FCHSD2: variants seen among roughly 807,000 people sequenced by gnomAD.
FCHSD2 encodes the protein F-BAR and double SH3 domains protein 2.
A neutral mutation model predicts 108.1 loss-of-function variants in FCHSD2; 38 were observed. The observed-to-expected ratio is 0.35, with a 90% CI of 0.27 to 0.46. The LOEUF (loss-of-function observed/expected upper bound fraction) is 0.46. Ranked by LOEUF, FCHSD2 falls within the 20% of genes least tolerant of loss-of-function variation. The probability of loss-of-function intolerance (pLI) is 1.00; values close to 1 mark genes in which losing one functional copy is unlikely to be tolerated. For missense variants in FCHSD2, 751 were observed against 897.8 expected (o/e 0.84, Z 2.09); for synonymous variants, 279 against 314.7 (o/e 0.89, Z 1.20).
chr11:72,838,673 C>T lies in FCHSD2; in HGVS notation c.*118G>A, dbSNP rs1170851554. 5 of 796,252 alleles carry T rather than the reference C, an allele frequency of 6.3e-6. No individual in the cohort carries two copies. The highest frequency in any genetic ancestry group is 1.6e-5 in the South Asian group (1 of 64,022). The allele number at this position is 796,252 out of a possible 1,614,324, so 49.3% of individuals were successfully genotyped here. A position where few individuals can be genotyped will look rare whatever the true frequency, so the allele number is the denominator to read the frequency against. ...CCAGGCCACCCAGTCACACATAATCCTCCTTGTTTTTTGCTCTGTTCAAGA... is the reference window on the plus strand; with the variant it reads ...CCAGGCCACCCAGTCACACATAATCTTCCTTGTTTTTTGCTCTGTTCAAGA... On this transcript the variant is annotated 3_prime_UTR_variant, in exon 20 of 20. Coordinates refer to ENST00000409418, the MANE Select transcript of FCHSD2 (RefSeq NM_014824.3).
At chr11:72,847,971 C>T (rs925693637) in intron 14 of FCHSD2, among the ~76,000 whole-genome samples, 1 of 152,186 alleles carries the variant, frequency 6.6e-6, no homozygotes, top group East Asian at 1.9e-4. Context: ...GGATTACAGG[C>T]GTGAGCCACC....
At chr11:72,903,013 G>C (rs987452566) in intron 9 of FCHSD2, among the ~76,000 whole-genome samples, 17 of 152,076 alleles carry the variant, frequency 1.1e-4, no homozygotes, top group African/African-American at 4.1e-4. Flanking sequence ...CTCTAAAATT[G>C]TATGGGCCTC....
chr11:72,965,791 T>C (rs1357035807), intron 8 of FCHSD2, among the ~76,000 whole-genome samples: 4 of 152,238 alleles, frequency 2.6e-5, no homozygotes, highest in Non-Finnish European at 4.4e-5. Flanking sequence ...AGTATATAAA[T>C]AGAATCACAC....
chr11:72,988,445 T>A (rs1467011998), intron 6 of FCHSD2, among the ~76,000 whole-genome samples: 1 of 152,214 alleles, frequency 6.6e-6, no homozygotes, highest in Non-Finnish European at 1.5e-5. Flanking sequence ...AAAGCATACA[T>A]GAAAAATTAT....
chr11:73,063,265 C>A (rs2135490116), intron 3 of FCHSD2, among the ~76,000 whole-genome samples: 1 of 152,306 alleles, frequency 6.6e-6, no homozygotes, highest in South Asian at 2.1e-4. Context: ...ACCAGGCCTG[C>A]CTTTGAAGGG....
chr11:72,942,289 G>T (rs546818710), intron 8 of FCHSD2, among the ~76,000 whole-genome samples: 1 of 152,182 alleles, frequency 6.6e-6, no homozygotes, highest in Non-Finnish European at 1.5e-5. Context: ...TGCCATGATT[G>T]TAAGTTTCCT....
intron 2 of FCHSD2, among the ~76,000 whole-genome samples, chr11:73,097,840 CTCTG>C (rs1392451478): frequency 6.6e-5 from 10 of 151,932 alleles, no homozygotes; most frequent in Non-Finnish European, 1.0e-4. Context: ...TACATATTTA[CTCTG>C]TCTATCTATT....
chr11:72,924,858 G>A (rs1313256606), intron 8 of FCHSD2, among the ~76,000 whole-genome samples: 1 of 151,924 alleles, frequency 6.6e-6, no homozygotes. Context: ...GACACTGCTG[G>A]TGTTAAGTCT....
Position 73,090,715 on chromosome 11 carries a change from T to C in FCHSD2, c.120-6975A>G, listed in dbSNP as rs1481720898. 3.3e-5 allele frequency among the ~76,000 whole-genome samples: 5 copies of C among 152,230 alleles called. No individual in the cohort carries two copies. The East Asian group carries it at 9.6e-4, about 29-fold the overall frequency. ...AAAGACCTTTTACTACATTCCTGTT[T>C]GTACTATTTGAATGTAAACTATGTG... On this transcript the variant is annotated intron_variant, in intron 2 of 19. Coordinates refer to ENST00000409418, the MANE Select transcript of FCHSD2 (RefSeq NM_014824.3).
At chr11:72,896,330 T>C (rs1855416996) in intron 10 of FCHSD2, among the ~76,000 whole-genome samples, 3 of 152,230 alleles carry the variant, frequency 2.0e-5, no homozygotes, top group Admixed American at 6.5e-5. Context: ...TTTTCCTGCC[T>C]GTATAGATCA....
intron 3 of FCHSD2, among the ~76,000 whole-genome samples, chr11:73,017,320 A>G (rs367801051): frequency 6.6e-6 from 1 of 152,180 alleles, no homozygotes; most frequent in East Asian, 1.9e-4. Flanking sequence ...GTCCCCTAAC[A>G]CTATAACAGG....
At chr11:72,974,392 G>C in intron 8 of FCHSD2, among the ~76,000 whole-genome samples, 1 of 152,176 alleles carries the variant, frequency 6.6e-6, no homozygotes, top group East Asian at 1.9e-4. Context: ...CTGCCCTCAT[G>C]ACCTAATGAC....
At chr11:73,077,018 G>C (rs888350752) in intron 3 of FCHSD2, among the ~76,000 whole-genome samples, 1 of 148,092 alleles carries the variant, frequency 6.8e-6, no homozygotes, top group Non-Finnish European at 1.5e-5. Flanking sequence ...GCTGAGGCAG[G>C]AGAATGGCAT....
intron 3 of FCHSD2, among the ~76,000 whole-genome samples, chr11:73,057,259 G>A (rs558234788): frequency 5.9e-5 from 9 of 152,204 alleles, no homozygotes; most frequent in Non-Finnish European, 1.0e-4. Flanking sequence ...GACCGGCATA[G>A]TACCTAGGAC....
chr11:72,941,718 T>A (rs533315283), intron 8 of FCHSD2, among the ~76,000 whole-genome samples: 1 of 152,220 alleles, frequency 6.6e-6, no homozygotes, highest in Non-Finnish European at 1.5e-5. Flanking sequence ...GGTGCAAGGA[T>A]AGGCACTTTC....
intron 17 of FCHSD2, 130 bp downstream of exon 17, chr11:72,842,491 A>G: frequency 9.3e-7 from 1 of 1,076,592 alleles, no homozygotes; most frequent in Non-Finnish European, 1.3e-6. Context: ...GCAGTTGTGC[A>G]GACACTGGCA....
chr11:72,866,587 A>G (rs931407915), intron 13 of FCHSD2, among the ~76,000 whole-genome samples: 10 of 152,182 alleles, frequency 6.6e-5, no homozygotes, highest in African/African-American at 2.2e-4. Context: ...CTCTGTTCTA[A>G]TAACAACTGG....
At chr11:73,041,438 T>C (rs1424874397) in intron 3 of FCHSD2, among the ~76,000 whole-genome samples, 1 of 152,230 alleles carries the variant, frequency 6.6e-6, no homozygotes, top group Non-Finnish European at 1.5e-5. Context: ...TGAGGTAAGA[T>C]GATATCTCAT....
chr11:73,047,440 T>A (rs1036622966), intron 3 of FCHSD2, among the ~76,000 whole-genome samples: 3 of 152,138 alleles, frequency 2.0e-5, no homozygotes, highest in African/African-American at 7.2e-5. Context: ...TTTGAAAAAA[T>A]TAACTGAGAG....
Sources: allele counts gnomAD v4.1 joint callset (sites outside exome capture counted in the v4.1 genomes callset), GRCh38; gene constraint gnomAD v4.1.1; transcripts MANE v1.5; gene names NCBI Gene and HGNC (gene_info 2026-07-23, HGNC 2026-07-21).